FRAS1: variants seen among roughly 807,000 people sequenced by gnomAD.
FRAS1 encodes Fraser extracellular matrix complex subunit 1, also known as extracellular matrix organizing protein FRAS1.
FRAS1 carries 290 observed loss-of-function variants against 435.2 expected under a neutral mutation model. The observed-to-expected ratio is 0.67, with a 90% confidence interval of 0.61 to 0.73. FRAS1 has a LOEUF of 0.73. Among genes scored for constraint, FRAS1 ranks in the 30% least tolerant of loss-of-function variants. The pLI is 0.00. For missense variants in FRAS1, 4,860 were observed against 5,001.5 expected, an observed-to-expected ratio of 0.97 and a Z score of 0.85; for synonymous variants, 1,800 against 1,851.0, an observed-to-expected ratio of 0.97 and a Z score of 0.71.
At chr4:78,125,073 GT>G (rs1719264782) in intron 2 of FRAS1, among the ~76,000 whole-genome samples, 1 of 152,054 alleles carries the variant, frequency 6.6e-6, no homozygotes, top group Non-Finnish European at 1.5e-5. Context: ...TGTTTTAATT[GT>G]GATGTTAGTG....
intron 1 of FRAS1, among the ~76,000 whole-genome samples, chr4:78,059,125 G>C (rs530011293): frequency 6.6e-6 from 1 of 152,298 alleles, no homozygotes; most frequent in African/African-American, 2.4e-5. Context: ...CGGCGGCGGC[G>C]GGCGCAGGGC....
chr4:78,248,186 G>A (rs1725341813), intron 4 of FRAS1, among the ~76,000 whole-genome samples: 1 of 152,160 alleles, frequency 6.6e-6, no homozygotes, highest in African/African-American at 2.4e-5. Context: ...TGTTGCAAGG[G>A]TTTATTATAG....
rs545722954 is a variant in FRAS1, at chr4:78,095,858, C to G, written c.108+29842C>G. On this transcript the variant is annotated intron_variant, in intron 2 of 73. Coordinates refer to ENST00000512123, the MANE Select transcript of FRAS1 (RefSeq NM_025074.7). ...ATTTGGGTAGGGCCACAGAGTGAAA[C>G]CATTATCATTCCACCCCGGCCCCTC... Among the ~76,000 whole-genome samples, 130 of 152,258 alleles carry G rather than the reference C, an allele frequency of 8.5e-4. 1 individual carries two copies. Among genetic ancestry groups the G allele is most frequent in the African/African-American group, 3.0e-3 (125 of 41,560 alleles).
In FRAS1 at chr4:78,488,895, A is replaced by G. The variant is rs1009670852; in HGVS notation, c.8773A>G (p.Lys2925Glu). Reference protein sequence around the residue: ...FQDVPSMQFAKDLLLVKEKEG... With the variant: ...FQDVPSMQFAEDLLLVKEKEG... ...CCTAGTGCCCAGCATGCAGTTTGCC[A>G]AGGATTTGCTCCTAGTGAAGGAGAA... The change falls in exon 59 of 74, where the codon AAG (lysine) becomes GAG (glutamate). Residue 2925 changes from lysine to glutamate, a missense_variant. By Grantham distance (56) the Lys-to-Glu change is moderately conservative. Transcript: ENST00000512123. 1 of 1,612,720 alleles carries G rather than the reference A, an allele frequency of 6.2e-7. No homozygotes were observed. The highest frequency in any genetic ancestry group is 1.3e-5 in the African/African-American group (1 of 74,988).
At chr4:78,491,825 T>G (rs1720361241) in intron 59 of FRAS1, among the ~76,000 whole-genome samples, 1 of 152,056 alleles carries the variant, frequency 6.6e-6, no homozygotes, top group South Asian at 2.1e-4. Context: ...GAGAAAGAAA[T>G]AAACGTTTAT....
intron 2 of FRAS1, among the ~76,000 whole-genome samples, chr4:78,127,595 T>C (rs1026265260): frequency 1.3e-4 from 20 of 152,158 alleles, no homozygotes; most frequent in African/African-American, 4.8e-4. Flanking sequence ...TGACTTTCAG[T>C]TCTGGACTTG....
chr4:78,441,523 CA>C (rs1315208964), intron 41 of FRAS1, among the ~76,000 whole-genome samples: 3 of 152,164 alleles, frequency 2.0e-5, no homozygotes, highest in Admixed American at 6.5e-5. Flanking sequence ...TATCAACAGA[CA>C]AAACCCCCTC....
chr4:78,284,393 C>G lies in FRAS1; in HGVS notation c.1256-12C>G. On this transcript the variant is annotated splice_polypyrimidine_tract_variant and intron_variant, in intron 12 of 73. Transcript: ENST00000512123. ...TTCACAGAGTTCTCCCCTTCTTTGT[C>G]CTTGATTTCAGTTCATTGCCATCCA... The G allele has an allele frequency of 6.2e-7, 1 of 1,613,628 alleles. No individual in the cohort carries two copies. The highest frequency in any genetic ancestry group is 8.5e-7 in the Non-Finnish European group (1 of 1,179,726).
chr4:78,169,594 TG>T (rs1473177880), intron 2 of FRAS1, among the ~76,000 whole-genome samples: 1 of 152,130 alleles, frequency 6.6e-6, no homozygotes, highest in African/African-American at 2.4e-5. Flanking sequence ...TAATTATTAT[TG>T]TATTTTATTA....
chr4:78,450,132 T>C lies in FRAS1; in HGVS notation c.6275-19T>C. 3 of 1,600,182 alleles carry C rather than the reference T, an allele frequency of 1.9e-6. No individual in the cohort carries two copies. The highest frequency in any genetic ancestry group is 2.6e-6 in the Non-Finnish European group (3 of 1,171,552). On this transcript the variant is annotated intron_variant, in intron 44 of 73. Transcript: ENST00000512123. ...GGAAATGTTGGGGAATAACCTACTC[T>C]CTTCCGTTCTCTTCCAAGGGTCTGT...
chr4:78,471,184 A>T (rs1719696892), intron 51 of FRAS1, among the ~76,000 whole-genome samples: 1 of 152,182 alleles, frequency 6.6e-6, no homozygotes, highest in African/African-American at 2.4e-5. Flanking sequence ...TTCACCTAGT[A>T]ATCATGTCAA....
intron 2 of FRAS1, among the ~76,000 whole-genome samples, chr4:78,190,828 A>G (rs543322945): frequency 6.6e-6 from 1 of 152,324 alleles, no homozygotes; most frequent in East Asian, 1.9e-4. Flanking sequence ...TGCCAAATTC[A>G]TATGTTTAAG....
chr4:78,381,666 A>G (rs2110322016), intron 27 of FRAS1, among the ~76,000 whole-genome samples: 1 of 152,356 alleles, frequency 6.6e-6, no homozygotes, highest in South Asian at 2.1e-4. Context: ...CTTTTCTTGC[A>G]GTCACTTATG....
intron 2 of FRAS1, among the ~76,000 whole-genome samples, chr4:78,082,966 T>G (rs1488603783): frequency 6.6e-6 from 1 of 152,158 alleles, no homozygotes; most frequent in Non-Finnish European, 1.5e-5. Flanking sequence ...ACCAGAACAT[T>G]AGACTGCATG....
intron 2 of FRAS1, among the ~76,000 whole-genome samples, chr4:78,189,607 C>T (rs769905729): frequency 6.6e-5 from 10 of 152,210 alleles, no homozygotes; most frequent in Non-Finnish European, 1.3e-4. Flanking sequence ...GCCTTCTTCT[C>T]TTGCTGTAGT....
chr4:78,278,771 T>C, intron 10 of FRAS1, 27 bp downstream of exon 10: 3 of 1,284,094 alleles, frequency 2.3e-6, no homozygotes, highest in East Asian at 2.3e-5. Context: ...TAACCGAAGA[T>C]GATTTCAAAT....
chr4:78,267,761 G>A (rs1323579907), intron 9 of FRAS1, among the ~76,000 whole-genome samples: 1 of 152,224 alleles, frequency 6.6e-6, no homozygotes, highest in African/African-American at 2.4e-5. Context: ...CTGATGGCCT[G>A]CCCAGTTCTC....
Position 78,470,056 on chromosome 4 carries a change from C to G in FRAS1, c.7336C>G (p.Leu2446Val), listed in dbSNP as rs868145442. ...TGGCACGCCTAGAATTGTCACCAAC[C>G]TGGGACTCCAGTGGCTGGAATACAT... ...DDGTPRIVTN[L>V]GLQWLEYMDG... is the part of the protein sequence containing the mutation. Residue 2446 changes from leucine to valine, a missense_variant, in exon 51 of 74, where the codon CTG becomes GTG. Physicochemically the swap from Leu to Val is conservative, Grantham distance 32. Transcript: ENST00000512123. 1.9e-6 allele frequency: 3 copies of G among 1,613,508 alleles called. No homozygotes were observed. The highest frequency in any genetic ancestry group is 2.5e-6 in the Non-Finnish European group (3 of 1,179,664).
rs1719942848 is a variant in FRAS1, at chr4:78,479,393, A to G, written c.8118A>G (p.Val2706=). Residue 2706 remains valine, a synonymous_variant, in exon 56 of 74, where the codon GTA becomes GTG. Coordinates refer to ENST00000512123, the MANE Select transcript of FRAS1 (RefSeq NM_025074.7). The part of the protein sequence containing the change: ...IERKGDASSI[V]SAICYTVPKS... ...TTTCAGGAGATGCAAGCAGCATTGTATCTGCAATTTGCTACACAGTCCCTA... is the reference window on the plus strand; with the variant it reads ...TTTCAGGAGATGCAAGCAGCATTGTGTCTGCAATTTGCTACACAGTCCCTA... 4 of 1,499,146 alleles carry G rather than the reference A, an allele frequency of 2.7e-6. No homozygotes were observed. Among genetic ancestry groups the G allele is most frequent in the Non-Finnish European group, 3.6e-6 (4 of 1,120,878 alleles). The allele number at this position is 1,499,146 out of a possible 1,614,324, so 92.9% of individuals were successfully genotyped here.
Sources: allele counts gnomAD v4.1 joint callset (sites outside exome capture counted in the v4.1 genomes callset), GRCh38; gene constraint gnomAD v4.1.1; transcripts MANE v1.5; gene names NCBI Gene and HGNC (gene_info 2026-07-23, HGNC 2026-07-21).